TIMELESS: variants seen among roughly 807,000 people sequenced by gnomAD.
TIMELESS encodes the protein timeless circadian regulator.
Under a neutral mutation model 164.3 loss-of-function variants are expected in TIMELESS, and 124 were observed. That is an observed-to-expected ratio of 0.75 (90% CI 0.65 to 0.88). TIMELESS has a LOEUF of 0.88. Ranked by LOEUF, TIMELESS falls within the 40% of genes least tolerant of loss-of-function variation. TIMELESS has a pLI of 0.00. For missense variants in TIMELESS, 1,422 were observed against 1,491.4 expected (o/e 0.95, Z 0.77); for synonymous variants, 564 against 563.4 (o/e 1.00, Z -0.02).
intron 6 of TIMELESS, 117 bp downstream of exon 6, chr12:56,432,909 C>T (rs1045171899): frequency 9.7e-6 from 7 of 719,068 alleles, no homozygotes; most frequent in South Asian, 3.9e-5. Context: ...GAGCTGAGAT[C>T]GCACCACTGC....
At chr12:56,445,335 T>C (rs186653644) in intron 1 of TIMELESS, among the ~76,000 whole-genome samples, 246 of 134,328 alleles carry the variant, frequency 1.8e-3, no homozygotes, top group African/African-American at 6.5e-3. Context: ...TGAGGCAGAA[T>C]TGTTTGAACC....
chr12:56,422,055 A>G (rs1881512619), intron 20 of TIMELESS, 39 bp from the exon 21 acceptor site: 1 of 1,613,914 alleles, frequency 6.2e-7, no homozygotes, highest in Non-Finnish European at 8.5e-7. Flanking sequence ...AGAAGGTCCC[A>G]CAGCTCAAGC....
Position 56,433,553 on chromosome 12 carries a change from C to G in TIMELESS, c.351G>C (p.Leu117Phe). 2 of 1,614,220 alleles carry G rather than the reference C, an allele frequency of 1.2e-6. No individual in the cohort carries two copies. Among genetic ancestry groups the G allele is most frequent in the Non-Finnish European group, 1.7e-6 (2 of 1,180,042 alleles). ...RHHFLQVLTY[L>F]QAYKEAFASE... ...AAATCCTCACCTCTTTGTAGGCCTG[C>G]AAATAAGTTAGCACCTGCAAAAAAT... Residue 117 changes from leucine (L) to phenylalanine (F), a missense_variant, in exon 4 of 29, where the codon TTG becomes TTC. Leu to Phe is a conservative substitution (Grantham distance 22). Transcript: ENST00000553532.
intron 1 of TIMELESS, among the ~76,000 whole-genome samples, chr12:56,446,764 C>G (rs1003369913): frequency 6.7e-6 from 1 of 149,686 alleles, no homozygotes; most frequent in Non-Finnish European, 1.5e-5. Context: ...CCTGGGAGAC[C>G]ACGCCACTGC....
intron 1 of TIMELESS, among the ~76,000 whole-genome samples, chr12:56,440,913 G>T (rs1868265439): frequency 1.3e-5 from 2 of 152,112 alleles, no homozygotes; most frequent in African/African-American, 2.4e-5. Flanking sequence ...TGCCTCCCGG[G>T]TTCAAACTAT....
rs1253148013 is a variant in TIMELESS, at chr12:56,417,418, A to G, written c.*298T>C. On this transcript the variant is annotated 3_prime_UTR_variant, in exon 29 of 29. Coordinates refer to ENST00000553532, the MANE Select transcript of TIMELESS (RefSeq NM_003920.5). Reference sequence around the variant, plus strand: ...CCGGGGTGCTTTCTCTATTTCACTCACTCCTCTTATTTGCTAAGGAGCTCC... The same window carrying G: ...CCGGGGTGCTTTCTCTATTTCACTCGCTCCTCTTATTTGCTAAGGAGCTCC... 2 of 332,302 alleles carry G rather than the reference A, an allele frequency of 6.0e-6. No homozygotes were observed. Among genetic ancestry groups the G allele is most frequent in the Non-Finnish European group, 5.5e-6 (1 of 180,362 alleles). The allele number at this position is 332,302 out of a possible 1,614,324, so 20.6% of individuals were successfully genotyped here.
intron 1 of TIMELESS, among the ~76,000 whole-genome samples, chr12:56,436,839 G>A: frequency 6.6e-6 from 1 of 152,078 alleles, no homozygotes; most frequent in East Asian, 1.9e-4. Context: ...CCAACAAAAG[G>A]AAAGCTCCAT....
At position 56,417,548 on chromosome 12, in the gene TIMELESS, G is replaced by T; in HGVS notation, c.*168C>A. The T allele has an allele frequency of 1.6e-6, 1 of 637,440 alleles. No individual in the cohort carries two copies. The highest frequency in any genetic ancestry group is 2.9e-5 in the Admixed American group (1 of 34,984). 39.5% of individuals were successfully genotyped at this position (637,440 alleles called of 1,614,324 possible). A position where few individuals can be genotyped will look rare whatever the true frequency, so the allele number is the denominator to read the frequency against. On this transcript the variant is annotated 3_prime_UTR_variant, in exon 29 of 29. Coordinates refer to ENST00000553532, the MANE Select transcript of TIMELESS (RefSeq NM_003920.5). Reference sequence around the variant, plus strand: ...AGAAACAAAGACTGACAGCAGAGAAGTCCAATACTGCTGCTGAAGTTTCTC... The same window carrying T: ...AGAAACAAAGACTGACAGCAGAGAATTCCAATACTGCTGCTGAAGTTTCTC...
chr12:56,423,821 G>C lies in TIMELESS; in HGVS notation c.1942C>G (p.Gln648Glu). ...CGGGGAAGTGGAGCAGAGAGGATTT[G>C]TTTCAGCAACTGGATCTCTTCCTCT... ...SPEEEIQLLK[Q>E]ILSAPLPRQQ... The change falls in exon 16 of 29, where the codon CAA (glutamine) becomes GAA (glutamate). Residue 648 changes from glutamine (Q) to glutamate (E), a missense_variant. Physicochemically the swap from Gln to Glu is conservative, Grantham distance 29 (BLOSUM62 2). Transcript: ENST00000553532. The C allele has an allele frequency of 1.2e-6, 2 of 1,614,190 alleles. No individual in the cohort carries two copies. The highest frequency in any genetic ancestry group is 1.7e-6 in the Non-Finnish European group (2 of 1,180,036).
rs181048182 is a variant in TIMELESS, at chr12:56,428,403, T to C, written c.1411A>G (p.Asn471Asp). 3.8e-5 allele frequency: 61 copies of C among 1,605,314 alleles called. No homozygotes were observed. In the East Asian group the frequency reaches 1.4e-3, roughly 36 times the overall value. Residue 471 changes from asparagine (N) to aspartate (D), a missense_variant and splice_region_variant, in exon 13 of 29, where the codon AAT becomes GAT. Asn to Asp is a conservative substitution (Grantham distance 23, BLOSUM62 1). Transcript: ENST00000553532. ...CGGTACTCCATCACATAGAAAATAT[T>C]GTCTAGGAATGGGGAAGAGAAAGGG... ...VRESSRIIKN[N>D]IFYVMEYREL...
At chr12:56,438,792 A>C (rs1487712070) in intron 1 of TIMELESS, among the ~76,000 whole-genome samples, 3 of 149,930 alleles carry the variant, frequency 2.0e-5, no homozygotes, top group Non-Finnish European at 4.4e-5. Context: ...AAAAAAAAAA[A>C]AAAAAAAAAA....
At chr12:56,443,606 T>A (rs1868308372) in intron 1 of TIMELESS, among the ~76,000 whole-genome samples, 1 of 152,202 alleles carries the variant, frequency 6.6e-6, no homozygotes, top group Non-Finnish European at 1.5e-5. Flanking sequence ...ATCTCTGTGA[T>A]CCACTCCCTA....
At position 56,433,407 on chromosome 12, in the gene TIMELESS, C is replaced by T; in HGVS notation, c.403G>A (p.Glu135Lys). The change falls in exon 5 of 29, where the codon GAA (glutamate) becomes AAA (lysine). Residue 135 changes from glutamate to lysine, a missense_variant. Coordinates refer to ENST00000553532, the MANE Select transcript of TIMELESS (RefSeq NM_003920.5). ...ASEKAFGVLS[E>K]TLYELLQLGW... ...AGCTGCAGCAGCTCATACAAGGTTT[C>T]ACTGAGGACTCCAAAAGCCTTCTCA... 1 of 1,614,202 alleles carries T rather than the reference C, an allele frequency of 6.2e-7. No individual in the cohort carries two copies. Among genetic ancestry groups the T allele is most frequent in the South Asian group, 1.1e-5 (1 of 91,086 alleles).
intron 26 of TIMELESS, among the ~76,000 whole-genome samples, chr12:56,420,029 A>AAAATAT (rs1555176447): frequency 8.0e-5 from 6 of 75,186 alleles, no homozygotes; most frequent in African/African-American, 2.0e-4. Context: ...AAAAAAAAAA[A>AAAATAT]ATATATATAT....
At chr12:56,441,801 AGG>A (rs1020726726) in intron 1 of TIMELESS, among the ~76,000 whole-genome samples, 49 of 151,758 alleles carry the variant, frequency 3.2e-4, no homozygotes, top group African/African-American at 1.2e-3. Context: ...GTAGATGCAG[AGG>A]CCAGGCGCGG....
intron 1 of TIMELESS, among the ~76,000 whole-genome samples, chr12:56,444,138 C>T (rs528449806): frequency 6.6e-6 from 1 of 152,270 alleles, no homozygotes; most frequent in East Asian, 1.9e-4. Flanking sequence ...CCTCGTGATC[C>T]ACCTGCCTCG....
At chr12:56,419,459 A>AGTGTGTGTGTGT (rs10664617) in intron 26 of TIMELESS, among the ~76,000 whole-genome samples, 8,830 of 147,960 alleles carry the variant, frequency 0.06, 817 homozygotes, top group East Asian at 0.37. Flanking sequence ...AGACAGATGG[A>AGTGTGTGTGTGT]GTGTGTGTGT....
In TIMELESS at chr12:56,428,936, G is replaced by A. The variant is rs751297698; in HGVS notation, c.1251C>T (p.Asn417=). ...TFHFIEQNLT[N]YYEMMLTDRK... is the part of the protein sequence containing the mutation. ...GGTCAGTCAGCATCATCTCATAGTA[G>A]TTGGTGAGGTTCTGCTCAATGAAGT... is the stretch of plus-strand genomic sequence containing the variant. The change falls in exon 11 of 29, where the codon AAC becomes AAT. Residue 417 remains asparagine, a synonymous_variant. Coordinates refer to ENST00000553532, the MANE Select transcript of TIMELESS (RefSeq NM_003920.5). 1 of 1,614,126 alleles carries A rather than the reference G, an allele frequency of 6.2e-7. No homozygotes were observed. The highest frequency in any genetic ancestry group is 8.5e-7 in the Non-Finnish European group (1 of 1,180,038).
chr12:56,433,137 A>G lies in TIMELESS; in HGVS notation c.430-10T>C, dbSNP rs200733648. 2.4e-5 allele frequency: 38 copies of G among 1,613,578 alleles called. No homozygotes were observed. The African/African-American group carries it at 4.4e-4, about 19-fold the overall frequency. On this transcript the variant is annotated splice_polypyrimidine_tract_variant and intron_variant, in intron 5 of 28. Coordinates refer to ENST00000553532, the MANE Select transcript of TIMELESS (RefSeq NM_003920.5). Reference sequence around the variant, plus strand: ...GCCGTTCCTCCCAGCCCTAACCAGAAGAGAGTAAGAGGAAGAGACTCCCTG... The same window carrying G: ...GCCGTTCCTCCCAGCCCTAACCAGAGGAGAGTAAGAGGAAGAGACTCCCTG...
Sources: gnomAD v4.1 joint callset for allele counts (sites outside exome capture counted in the v4.1 genomes callset) on GRCh38, gnomAD v4.1.1 for gene constraint, MANE v1.5 for transcripts, NCBI Gene and HGNC (gene_info 2026-07-23, HGNC 2026-07-21) for gene names.